The following IRAK1BP1 variants were observed in gnomAD, a reference collection of about 807,000 sequenced individuals.
IRAK1BP1 encodes the protein interleukin-1 receptor-associated kinase 1-binding protein 1.
In IRAK1BP1, 24 loss-of-function variants were observed where a neutral mutation model predicts 28.0. The observed-to-expected ratio is 0.86, with a 90% CI of 0.62 to 1.20. The LOEUF (loss-of-function observed/expected upper bound fraction) is 1.20. Among genes scored for constraint, IRAK1BP1 ranks in the 50% most tolerant of loss-of-function variants. IRAK1BP1 has a pLI of 0.00. For synonymous variants in IRAK1BP1, 131 were observed against 116.3 expected (o/e 1.13, Z -0.81); for missense variants, 336 against 316.7 (o/e 1.06, Z -0.46).
intron 4 of IRAK1BP1, among the ~76,000 whole-genome samples, chr6:78,926,188 T>G (rs1388872717): frequency 6.6e-6 from 1 of 152,120 alleles, no homozygotes; most frequent in Non-Finnish European, 1.5e-5. Context: ...CTGGTGAGGC[T>G]GCAAAGAAAA....
intron 4 of IRAK1BP1, chr6:78,938,722 A>C (rs1467077818): frequency 6.6e-6 from 1 of 151,682 alleles, no homozygotes; most frequent in Non-Finnish European, 1.5e-5. Flanking sequence ...AAAAACCTGA[A>C]AAATTTGAAA....
the IRAK1BP1 span, among the ~76,000 whole-genome samples, chr6:78,971,371 C>T: frequency 6.6e-6 from 1 of 152,244 alleles, no homozygotes; most frequent in East Asian, 1.9e-4. Context: ...TGACTCCTGA[C>T]TACTGTCTTG....
At chr6:78,894,772 T>C (rs1252971369) in intron 2 of IRAK1BP1, among the ~76,000 whole-genome samples, 1 of 152,136 alleles carries the variant, frequency 6.6e-6, no homozygotes, top group Non-Finnish European at 1.5e-5. Flanking sequence ...TCCTTTCAAG[T>C]GCACATTGAA....
At chr6:78,962,361 C>T in the IRAK1BP1 span, among the ~76,000 whole-genome samples, 1 of 152,134 alleles carries the variant, frequency 6.6e-6, no homozygotes, top group Non-Finnish European at 1.5e-5. Context: ...CAATTTTTTG[C>T]TCATTCGCAT....
At chr6:78,910,172 G>C (rs1164006690) in intron 4 of IRAK1BP1, among the ~76,000 whole-genome samples, 1 of 152,162 alleles carries the variant, frequency 6.6e-6, no homozygotes, top group African/African-American at 2.4e-5. Flanking sequence ...CATGACAGGG[G>C]ATGAGGGAAT....
intron 4 of IRAK1BP1, among the ~76,000 whole-genome samples, chr6:78,924,608 C>T (rs1406762834): frequency 1.3e-5 from 2 of 152,058 alleles, no homozygotes; most frequent in African/African-American, 2.4e-5. Context: ...GGCAGAGACA[C>T]AACAAAAAAG....
chr6:78,945,477 G>A (rs764817227), exon 5 of IRAK1BP1: 1 of 1,606,440 alleles, frequency 6.2e-7, no homozygotes, highest in East Asian at 2.2e-5. Context: ...GCTTTGGAAT[G>A]TTTCACAGAA....
chr6:78,916,567 T>G (rs1351912108), intron 4 of IRAK1BP1, among the ~76,000 whole-genome samples: 1 of 152,222 alleles, frequency 6.6e-6, no homozygotes, highest in Non-Finnish European at 1.5e-5. Flanking sequence ...CTACTCCATG[T>G]AAAGAATGCA....
At chr6:78,946,164 G>A (rs770233093) in exon 5 of IRAK1BP1, 2 of 1,614,024 alleles carry the variant, frequency 1.2e-6, no homozygotes, top group Non-Finnish European at 1.7e-6. Flanking sequence ...GAGCAGCATT[G>A]TGTCTTGGCG....
Position 78,867,852 on chromosome 6 carries a change from A to G in IRAK1BP1, c.276A>G (p.Leu92=), listed in dbSNP as rs201035096. The part of the protein sequence containing the change: ...AEAKKSVCRR[L]DYITQSLQQQ... The stretch of plus-strand genomic sequence containing the variant: ...CCAAAAAGAGCGTTTGTCGCCGTCT[A>G]GATTACATCACGCAGAGCCTCCAGC... Residue 92 remains leucine, a synonymous_variant, in exon 1 of 4, where the codon CTA becomes CTG. Coordinates refer to ENST00000369940, the MANE Select transcript of IRAK1BP1 (RefSeq NM_001010844.4). The G allele has an allele frequency of 7.8e-5, 126 of 1,608,302 alleles. No homozygotes were observed. The East Asian group carries it at 1.6e-3, about 21-fold the overall frequency.
intron 4 of IRAK1BP1, among the ~76,000 whole-genome samples, chr6:78,924,452 G>C (rs1375197001): frequency 6.6e-6 from 1 of 152,116 alleles, no homozygotes; most frequent in Non-Finnish European, 1.5e-5. Context: ...AAAAGCCCAG[G>C]ACCAGATGGA....
intron 4 of IRAK1BP1, among the ~76,000 whole-genome samples, chr6:78,925,883 T>G (rs559565421): frequency 1.4e-4 from 22 of 152,272 alleles, no homozygotes; most frequent in Middle Eastern, 6.8e-3. Flanking sequence ...AATTATGTCC[T>G]TTGCAGCAAC....
intron 4 of IRAK1BP1, among the ~76,000 whole-genome samples, chr6:78,943,508 A>T (rs941618465): frequency 5.3e-5 from 8 of 152,196 alleles, no homozygotes; most frequent in Admixed American, 2.6e-4. Flanking sequence ...TAAAAATGTG[A>T]AACACTCATA....
chr6:78,910,682 C>T (rs1336217853), intron 4 of IRAK1BP1, among the ~76,000 whole-genome samples: 1 of 152,246 alleles, frequency 6.6e-6, no homozygotes, highest in Non-Finnish European at 1.5e-5. Flanking sequence ...ATGACCCGGG[C>T]TCCCGCTCCT....
intron 1 of IRAK1BP1, among the ~76,000 whole-genome samples, chr6:78,874,379 G>A (rs1265253081): frequency 1.3e-5 from 2 of 151,952 alleles, no homozygotes; most frequent in African/African-American, 2.4e-5. Context: ...TATGACATGA[G>A]GATTCTGTAT....
chr6:78,949,348 G>A (rs942250876), downstream of IRAK1BP1, among the ~76,000 whole-genome samples: 1 of 152,090 alleles, frequency 6.6e-6, no homozygotes, highest in African/African-American at 2.4e-5. Context: ...CTGAGAACAT[G>A]TCTTTCATAT....
At chr6:78,929,880 G>C (rs923753502) in intron 4 of IRAK1BP1, among the ~76,000 whole-genome samples, 15 of 152,050 alleles carry the variant, frequency 9.9e-5, no homozygotes, top group African/African-American at 3.1e-4. Flanking sequence ...ATTTGGAGTA[G>C]CTAAAAACAT....
At chr6:78,907,548 G>A (rs1562093381), downstream of IRAK1BP1, among the ~76,000 whole-genome samples, 1 of 152,080 alleles carries the variant, frequency 6.6e-6, no homozygotes, top group Admixed American at 6.5e-5. Flanking sequence ...AAATTCCAGA[G>A]ACCCATTTAA....
At chr6:78,973,888 G>A in the IRAK1BP1 span, among the ~76,000 whole-genome samples, 1 of 151,562 alleles carries the variant, frequency 6.6e-6, no homozygotes. Context: ...AGTCTTGAGT[G>A]ACCTACAAAG....
Sources: allele counts gnomAD v4.1 joint callset (sites outside exome capture counted in the v4.1 genomes callset), GRCh38; gene constraint gnomAD v4.1.1; transcripts MANE v1.5; gene names NCBI Gene and HGNC (gene_info 2026-07-23, HGNC 2026-07-21).